The following OSBPL1A variants were observed in gnomAD, a reference collection of about 807,000 sequenced individuals.
The protein encoded by OSBPL1A is oxysterol binding protein like 1A.
Under a neutral mutation model 137.1 loss-of-function variants are expected in OSBPL1A, and 80 were observed. The ratio of observed to expected loss-of-function variants is 0.58; its 90% CI spans 0.49 to 0.70. OSBPL1A has a LOEUF of 0.70. Among genes scored for constraint, OSBPL1A ranks in the 30% least tolerant of loss-of-function variants. The probability of loss-of-function intolerance (pLI) is 0.00; values close to 1 mark genes in which losing one functional copy is unlikely to be tolerated. For missense variants in OSBPL1A, 970 were observed against 1,129.4 expected (o/e 0.86, Z 2.02); for synonymous variants, 365 against 389.7 (o/e 0.94, Z 0.75).
chr18:24,294,936 G>T (rs1036959848), intron 14 of OSBPL1A, among the ~76,000 whole-genome samples: 4 of 152,162 alleles, frequency 2.6e-5, no homozygotes, highest in Non-Finnish European at 5.9e-5. Flanking sequence ...TACCAGTAGT[G>T]GGACTGTTGG....
intron 18 of OSBPL1A, among the ~76,000 whole-genome samples, chr18:24,185,503 T>G (rs1287939575): frequency 6.6e-6 from 1 of 151,996 alleles, no homozygotes; most frequent in Non-Finnish European, 1.5e-5. Flanking sequence ...GTATCTTTAG[T>G]AGAGACGAGG....
rs945040937 is a variant in OSBPL1A, at chr18:24,253,168, G to GC, written c.1282-13787_1282-13786insG. 1.8e-4 allele frequency among the ~76,000 whole-genome samples: 22 copies of GC among 120,318 alleles called. 2 individuals carry two copies. The highest frequency in any genetic ancestry group is 1.5e-3 in the South Asian group (5 of 3,264). 78.9% of individuals were successfully genotyped at this position (120,318 alleles called of 152,430 possible). On this transcript the variant is annotated intron_variant, in intron 15 of 27. Transcript: ENST00000319481. ...AAACTCTCCAATGAAAAGACATGGCGGGGGGGGGCGCTGAATGGATGAAAA... is the reference window on the plus strand; with the variant it reads ...AAACTCTCCAATGAAAAGACATGGCGCGGGGGGGGCGCTGAATGGATGAAAA...
chr18:24,391,854 G>T (rs571692750), intron 1 of OSBPL1A, among the ~76,000 whole-genome samples: 1 of 152,278 alleles, frequency 6.6e-6, no homozygotes, highest in East Asian at 1.9e-4. Flanking sequence ...ATTGCCAAAT[G>T]GCATTTGTAC....
Position 24,178,058 on chromosome 18 carries a change from C to T in OSBPL1A, c.2048G>A (p.Ser683Asn). 2 of 1,614,028 alleles carry T rather than the reference C, an allele frequency of 1.2e-6. No homozygotes were observed. The highest frequency in any genetic ancestry group is 1.7e-6 in the Non-Finnish European group (2 of 1,179,976). Residue 683 changes from serine to asparagine, a missense_variant, in exon 21 of 28, where the codon AGT becomes AAT. By Grantham distance (46) the Ser-to-Asn change is conservative. This residue lies in a region of OSBPL1A where 323 missense variants were observed against 456.8 expected (regional missense o/e 0.71). Transcript: ENST00000319481. Reference protein sequence around the residue: ...IYPKLKFWGKSVEAEPKGTIT... With the variant: ...IYPKLKFWGKNVEAEPKGTIT... ...GGTTCCTTTGGGTTCTGCTTCTACA[C>T]TCTTCCCCCAGAATTTCAGTTTGGG...
intron 13 of OSBPL1A, among the ~76,000 whole-genome samples, chr18:24,306,018 G>A (rs113189266): frequency 2.6e-5 from 4 of 152,082 alleles, no homozygotes; most frequent in East Asian, 1.9e-4. Context: ...GCATGAGAAC[G>A]AACTAATACA....
intron 1 of OSBPL1A, among the ~76,000 whole-genome samples, chr18:24,381,539 G>A (rs1473123617): frequency 3.3e-5 from 5 of 152,136 alleles, no homozygotes. Flanking sequence ...TGATTGTAAT[G>A]CCCTTTCTTC....
At position 24,192,319 on chromosome 18, in the gene OSBPL1A, T is replaced by C. The variant is rs1599466485; in HGVS notation, c.1677+3806A>G. On this transcript the variant is annotated intron_variant, in intron 18 of 27. Transcript: ENST00000319481. ...ACGGAAACAGGGTACACACAGGACA[T>C]GAGGCTTTCGGATTAAAGAGTCCTG... 6.6e-5 allele frequency among the ~76,000 whole-genome samples: 10 copies of C among 152,158 alleles called. No individual in the cohort carries two copies. The South Asian group carries it at 2.1e-3, about 32-fold the overall frequency.
chr18:24,235,233 G>A (rs76040827), intron 16 of OSBPL1A, among the ~76,000 whole-genome samples: 2,283 of 152,300 alleles, frequency 0.015, 56 homozygotes, highest in African/African-American at 0.05. Context: ...AGAGGCTAGA[G>A]GAAAGTAGGT....
intron 2 of OSBPL1A, among the ~76,000 whole-genome samples, chr18:24,374,328 G>A (rs1407286885): frequency 1.3e-5 from 2 of 152,102 alleles, no homozygotes; most frequent in African/African-American, 2.4e-5. Context: ...TACAGGAGGA[G>A]GAAGTAGCAA....
chr18:24,259,073 A>G (rs2089371662), intron 15 of OSBPL1A, among the ~76,000 whole-genome samples: 2 of 151,640 alleles, frequency 1.3e-5, no homozygotes, highest in African/African-American at 2.4e-5. Context: ...GAGTAGTGGG[A>G]CTACGCCCAG....
chr18:24,281,971 G>A (rs928069928), intron 14 of OSBPL1A, among the ~76,000 whole-genome samples: 36 of 152,202 alleles, frequency 2.4e-4, no homozygotes, highest in Non-Finnish European at 1.3e-4. Context: ...ACCCTATTGC[G>A]AACTGTGTAT....
At chr18:24,358,296 C>A (rs2091569307) in intron 4 of OSBPL1A, 2 of 597,400 alleles carry the variant, frequency 3.3e-6, no homozygotes, top group Non-Finnish European at 5.9e-6. Flanking sequence ...AAAGGCCTGG[C>A]TGCTCATCCC....
At chr18:24,374,532 C>T (rs1273423607) in intron 2 of OSBPL1A, among the ~76,000 whole-genome samples, 1 of 152,172 alleles carries the variant, frequency 6.6e-6, no homozygotes, top group African/African-American at 2.4e-5. Context: ...CATCTTAGCA[C>T]TCCCCTGCCA....
intron 15 of OSBPL1A, among the ~76,000 whole-genome samples, chr18:24,263,057 C>G (rs1231691507): frequency 1.3e-5 from 2 of 152,120 alleles, no homozygotes; most frequent in Non-Finnish European, 1.5e-5. Flanking sequence ...CTGAAAATAG[C>G]TTTCTGTATA....
rs3216111 is a variant in OSBPL1A at position 24,163,075 on chromosome 18, ATT to A, written c.*102_*103del. ...GCAGTTATCTCATGAGTGTTTTTTC[ATT>A]TTTTTTTTTAAAAGATAAGTAGAAA... On this transcript the variant is annotated 3_prime_UTR_variant, in exon 28 of 28. Coordinates refer to ENST00000319481, the MANE Select transcript of OSBPL1A (RefSeq NM_080597.4). 1,364 of 693,858 alleles carry A rather than the reference ATT, an allele frequency of 2.0e-3. 1 individual carries two copies. Among genetic ancestry groups the A allele is most frequent in the South Asian group, 3.7e-3 (164 of 44,028 alleles). The allele number at this position is 693,858 out of a possible 1,614,324, so 43.0% of individuals were successfully genotyped here.
chr18:24,232,833 T>C (rs1458431704), intron 16 of OSBPL1A, among the ~76,000 whole-genome samples: 1 of 152,062 alleles, frequency 6.6e-6, no homozygotes, highest in African/African-American at 2.4e-5. Context: ...ATGATATGGC[T>C]GGTGCCCTCC....
At chr18:24,386,376 G>T (rs1389799201) in intron 1 of OSBPL1A, among the ~76,000 whole-genome samples, 8 of 152,142 alleles carry the variant, frequency 5.3e-5, no homozygotes, top group Non-Finnish European at 4.4e-5. Context: ...CACGTTCAAA[G>T]CAATTAATAC....
intron 22 of OSBPL1A, among the ~76,000 whole-genome samples, chr18:24,172,138 A>C (rs561179656): frequency 6.6e-6 from 1 of 151,988 alleles, no homozygotes; most frequent in African/African-American, 2.4e-5. Flanking sequence ...ACGGGGTTTC[A>C]CCATCTTGGC....
chr18:24,275,664 C>T (rs1465571257), intron 15 of OSBPL1A, among the ~76,000 whole-genome samples: 1 of 152,154 alleles, frequency 6.6e-6, no homozygotes, highest in Non-Finnish European at 1.5e-5. Flanking sequence ...GAATTCCAAC[C>T]CTTCAGACGG....
Sources: allele counts gnomAD v4.1 joint callset (sites outside exome capture counted in the v4.1 genomes callset), GRCh38; gene constraint gnomAD v4.1.1; regional missense constraint gnomAD v4.1.1; transcripts MANE v1.5; gene names NCBI Gene and HGNC (gene_info 2026-07-23, HGNC 2026-07-21).